UNC5D: variants seen among roughly 807,000 people sequenced by gnomAD.
UNC5D encodes the protein netrin receptor UNC5D.
UNC5D carries 39 observed loss-of-function variants against 105.4 expected under a neutral mutation model. The ratio of observed to expected loss-of-function variants is 0.37; its 90% CI spans 0.29 to 0.48. UNC5D has a LOEUF of 0.48. Among genes scored for constraint, UNC5D ranks in the 20% least tolerant of loss-of-function variants. UNC5D has a pLI of 0.98. For missense variants in UNC5D, 991 were observed against 1,202.4 expected (o/e 0.82, Z 2.60); for synonymous variants, 452 against 450.4 (o/e 1.00, Z -0.04).
intron 1 of UNC5D, among the ~76,000 whole-genome samples, chr8:35,517,053 C>T (rs1186944731): frequency 2.6e-5 from 4 of 152,160 alleles, no homozygotes; most frequent in Non-Finnish European, 5.9e-5. Flanking sequence ...CATTTTGGTA[C>T]AAGAGTTTTT....
At chr8:35,365,285 A>G (rs931527179) in intron 1 of UNC5D, among the ~76,000 whole-genome samples, 3 of 151,820 alleles carry the variant, frequency 2.0e-5, no homozygotes, top group African/African-American at 7.3e-5. Context: ...AGATGCATAG[A>G]TTTTTTTTAT....
At chr8:35,487,593 A>ACC (rs1554542250) in intron 1 of UNC5D, among the ~76,000 whole-genome samples, 10 of 150,472 alleles carry the variant, frequency 6.6e-5, no homozygotes, top group Admixed American at 1.3e-4. Context: ...ACACACACAC[A>ACC]CCCCACAGAC....
At chr8:35,734,432 C>CAG (rs1205209432) in intron 11 of UNC5D, among the ~76,000 whole-genome samples, 1 of 149,090 alleles carries the variant, frequency 6.7e-6, no homozygotes, top group Non-Finnish European at 1.5e-5. Context: ...TTTCTTGAGA[C>CAG]AGAGTTTTGC....
At chr8:35,239,739 G>T (rs1802687591) in intron 1 of UNC5D, among the ~76,000 whole-genome samples, 1 of 151,924 alleles carries the variant, frequency 6.6e-6, no homozygotes, top group Non-Finnish European at 1.5e-5. Flanking sequence ...CAACATCATT[G>T]TCTTCTCTTC....
At chr8:35,631,935 A>C (rs189839549) in intron 4 of UNC5D, among the ~76,000 whole-genome samples, 4 of 152,216 alleles carry the variant, frequency 2.6e-5, no homozygotes, top group Non-Finnish European at 5.9e-5. Context: ...ATTAAGTGTT[A>C]TGCATCATTT....
At chr8:35,753,520 T>C (rs1830383212) in intron 13 of UNC5D, among the ~76,000 whole-genome samples, 2 of 152,314 alleles carry the variant, frequency 1.3e-5, no homozygotes, top group South Asian at 2.1e-4. Flanking sequence ...CCCAAAGTGC[T>C]GTGATTACAG....
intron 4 of UNC5D, among the ~76,000 whole-genome samples, chr8:35,601,916 G>A (rs1191149909): frequency 6.6e-6 from 1 of 152,096 alleles, no homozygotes; most frequent in Non-Finnish European, 1.5e-5. Flanking sequence ...TCCATTCAGT[G>A]TGATATTGGC....
At chr8:35,762,258 A>G (rs1801571456) in intron 14 of UNC5D, among the ~76,000 whole-genome samples, 1 of 152,192 alleles carries the variant, frequency 6.6e-6, no homozygotes, top group Admixed American at 6.5e-5. Context: ...AAATGTTTTT[A>G]GAATGGTGTG....
intron 11 of UNC5D, among the ~76,000 whole-genome samples, chr8:35,734,742 T>C (rs1829374505): frequency 6.6e-6 from 1 of 151,550 alleles, no homozygotes; most frequent in Non-Finnish European, 1.5e-5. Flanking sequence ...TTATTGGGAA[T>C]GTTTTTGAGG....
chr8:35,331,832 T>A (rs2128894347), intron 1 of UNC5D, among the ~76,000 whole-genome samples: 1 of 152,286 alleles, frequency 6.6e-6, no homozygotes, highest in Non-Finnish European at 1.5e-5. Context: ...CTTCTCTCTA[T>A]GCTGCATCTG....
intron 4 of UNC5D, among the ~76,000 whole-genome samples, chr8:35,649,799 C>T (rs1403442154): frequency 3.9e-5 from 6 of 152,146 alleles, no homozygotes; most frequent in Non-Finnish European, 8.8e-5. Flanking sequence ...CTGACCAGTG[C>T]TCCTCAAGCC....
At chr8:35,476,874 T>A (rs971258079) in intron 1 of UNC5D, among the ~76,000 whole-genome samples, 3 of 152,250 alleles carry the variant, frequency 2.0e-5, no homozygotes, top group African/African-American at 7.2e-5. Flanking sequence ...GACGTTGTAC[T>A]GTGATGCTTT....
At chr8:35,723,654 C>T (rs1003925860) in intron 9 of UNC5D, among the ~76,000 whole-genome samples, 13 of 152,168 alleles carry the variant, frequency 8.5e-5, no homozygotes, top group Non-Finnish European at 1.8e-4. Flanking sequence ...ATCCTCCCAC[C>T]TCAGCCTCTG....
chr8:35,719,677 ATGTT>A (rs779652245), intron 8 of UNC5D, among the ~76,000 whole-genome samples: 67 of 152,270 alleles, frequency 4.4e-4, no homozygotes, highest in South Asian at 8.3e-4. Context: ...CCCTCAATAA[ATGTT>A]TGTTGAATTA....
chr8:35,487,893 T>C (rs115690403), intron 1 of UNC5D, among the ~76,000 whole-genome samples: 2,003 of 152,238 alleles, frequency 0.013, 53 homozygotes, highest in African/African-American at 0.046. Context: ...GCAAAGGACT[T>C]GATTGACTTG....
At chr8:35,310,002 T>G (rs1808750384) in intron 1 of UNC5D, among the ~76,000 whole-genome samples, 1 of 152,176 alleles carries the variant, frequency 6.6e-6, no homozygotes, top group African/African-American at 2.4e-5. Context: ...GAAATATTCA[T>G]AAGTGTTTCT....
At chr8:35,356,912 G>A (rs1585657614) in intron 1 of UNC5D, among the ~76,000 whole-genome samples, 1 of 152,184 alleles carries the variant, frequency 6.6e-6, no homozygotes, top group East Asian at 1.9e-4. Context: ...GGGACAGACT[G>A]GGATGGCATG....
intron 11 of UNC5D, among the ~76,000 whole-genome samples, chr8:35,739,515 A>G (rs1829653221): frequency 6.6e-6 from 1 of 152,188 alleles, no homozygotes; most frequent in Non-Finnish European, 1.5e-5. Context: ...GACCATGGAC[A>G]CTCACAATGT....
At chr8:35,439,470 C>T (rs564616700) in intron 1 of UNC5D, among the ~76,000 whole-genome samples, 1 of 152,128 alleles carries the variant, frequency 6.6e-6, no homozygotes, top group African/African-American at 2.4e-5. Context: ...CAAATCAACC[C>T]ATTCTAAGTG....
Sources: gnomAD v4.1 joint callset for allele counts (sites outside exome capture counted in the v4.1 genomes callset) on GRCh38, gnomAD v4.1.1 for gene constraint, MANE v1.5 for transcripts, NCBI Gene and HGNC (gene_info 2026-07-23, HGNC 2026-07-21) for gene names.